Variants in NYAP1 observed in about 807,000 individuals in gnomAD.
NYAP1 encodes the protein neuronal tyrosine-phosphorylated phosphoinositide-3-kinase adapter 1.
A neutral mutation model predicts 58.6 loss-of-function variants in NYAP1; 20 were observed. The observed-to-expected ratio is 0.34, with a 90% CI of 0.24 to 0.50. The LOEUF (loss-of-function observed/expected upper bound fraction) is 0.50, where lower values mean the gene tolerates loss of function less well. Ranked by LOEUF, NYAP1 falls within the 20% of genes least tolerant of loss-of-function variation. The pLI is 0.98. For missense variants in NYAP1, 1,150 were observed against 1,194.5 expected, an observed-to-expected ratio of 0.96 and a Z score of 0.55; for synonymous variants, 572 against 523.1, an observed-to-expected ratio of 1.09 and a Z score of -1.27.
In NYAP1 at chr7:100,488,407, G is replaced by A. The variant is rs775868244; in HGVS notation, c.686G>A (p.Arg229Gln). The A allele has an allele frequency of 8.1e-6, 13 of 1,597,190 alleles. 1 individual carries two copies. The highest frequency in any genetic ancestry group is 6.7e-5 in the East Asian group (3 of 44,714). ...MVGDVFRGGGRSGGGLAGPPL... is the reference protein window; with the variant it reads ...MVGDVFRGGGQSGGGLAGPPL... ...GGGGACGTCTTTAGGGGAGGAGGAC[G>A]AAGTGGAGGAGGCCTGGCTGGGCCC... is the stretch of plus-strand genomic sequence containing the variant. The change falls in exon 4 of 7, where the codon CGA becomes CAA. Residue 229 changes from arginine (R) to glutamine (Q), a missense_variant. Coordinates refer to ENST00000300179, the MANE Select transcript of NYAP1 (RefSeq NM_173564.4). The surrounding 1 kb of genome is among the most constrained non-coding windows in gnomAD (Gnocchi z 5.9).
At position 100,489,666 on chromosome 7, in the gene NYAP1, A is replaced by G. The variant is rs985459046; in HGVS notation, c.1945A>G (p.Lys649Glu). 5.4e-6 allele frequency: 3 copies of G among 556,042 alleles called. No individual in the cohort carries two copies. Among genetic ancestry groups the G allele is most frequent in the African/African-American group, 4.3e-5 (1 of 23,164 alleles). The allele number at this position is 556,042 out of a possible 1,614,324, so 34.4% of individuals were successfully genotyped here. Reference protein sequence around the residue: ...YGGRKAKELDKVEDGARAWNG... With the variant: ...YGGRKAKELDEVEDGARAWNG... ...AGGGAGAAAAGCAAAGGAGTTGGAC[A>G]GTGAGTGAGGGGTGGGGAGTGGGGG... The change falls in exon 4 of 7, where the codon AAG (lysine) becomes GAG (glutamate). Residue 649 changes from lysine to glutamate, a missense_variant and splice_region_variant. Coordinates refer to ENST00000300179, the MANE Select transcript of NYAP1 (RefSeq NM_173564.4).
Position 100,494,125 on chromosome 7 carries a change from C to T in NYAP1, c.*222C>T. On this transcript the variant is annotated 3_prime_UTR_variant, in exon 7 of 7. Transcript: ENST00000300179. ...AGAAACGGAGGAGGAGGAGGGTTTG[C>T]TTGAGGTTGGGGCGAGAGTCGCTCT... 2 of 490,552 alleles carry T rather than the reference C, an allele frequency of 4.1e-6. No homozygotes were observed. Among genetic ancestry groups the T allele is most frequent in the South Asian group, 3.6e-5 (1 of 27,964 alleles). The allele number at this position is 490,552 out of a possible 1,614,324, so 30.4% of individuals were successfully genotyped here. A position where few individuals can be genotyped will look rare whatever the true frequency, so the allele number is the denominator to read the frequency against.
chr7:100,493,352 C>G (rs941065923), intron 6 of NYAP1, among the ~76,000 whole-genome samples: 5 of 152,096 alleles, frequency 3.3e-5, no homozygotes, highest in African/African-American at 1.2e-4. Context: ...CAGAGCCAGA[C>G]CCTGTCTCAA....
chr7:100,486,693 T>C lies in NYAP1; in HGVS notation c.69-128T>C. 1 of 1,149,160 alleles carries C rather than the reference T, an allele frequency of 8.7e-7. No individual in the cohort carries two copies. The highest frequency in any genetic ancestry group is 1.6e-5 in the African/African-American group (1 of 61,082). 71.2% of individuals were successfully genotyped at this position (1,149,160 alleles called of 1,614,324 possible). A position where few individuals can be genotyped will look rare whatever the true frequency, so the allele number is the denominator to read the frequency against. ...GGTGCCCTGGACCTTCTGGCAACCCTGTCCCCACCCAGGCTCCCGTCCTCT... is the reference window on the plus strand; with the variant it reads ...GGTGCCCTGGACCTTCTGGCAACCCCGTCCCCACCCAGGCTCCCGTCCTCT... On this transcript the variant is annotated intron_variant, in intron 2 of 6. Coordinates refer to ENST00000300179, the MANE Select transcript of NYAP1 (RefSeq NM_173564.4). This position sits in a 1 kb window ranked among gnomAD's most constrained non-coding sequence, Gnocchi z 6.2.
At position 100,490,663 on chromosome 7, in the gene NYAP1, CGAG is replaced by C. The variant is rs748971167; in HGVS notation, c.2097_2099del (p.Gly700del). ...GCTGGCCAGGATCCACCATGGAGAC[CGAG>C]GAGGGAGCCGCACCGCGCTGCCCAT... On this transcript the variant is annotated inframe_deletion, in exon 5 of 7. Coordinates refer to ENST00000300179, the MANE Select transcript of NYAP1 (RefSeq NM_173564.4). The surrounding 1 kb of genome is among the most constrained non-coding windows in gnomAD (Gnocchi z 4.6). The C allele has an allele frequency of 2.7e-4, 424 of 1,563,678 alleles. No individual in the cohort carries two copies. Among genetic ancestry groups the C allele is most frequent in the Non-Finnish European group, 3.5e-4 (409 of 1,154,636 alleles).
chr7:100,486,695 TC>T lies in NYAP1; in HGVS notation c.69-122del. 1.7e-6 allele frequency: 2 copies of T among 1,164,778 alleles called. No individual in the cohort carries two copies. Among genetic ancestry groups the T allele is most frequent in the South Asian group, 3.6e-5 (2 of 55,274 alleles). 72.2% of individuals were successfully genotyped at this position (1,164,778 alleles called of 1,614,324 possible). A position where few individuals can be genotyped will look rare whatever the true frequency, so the allele number is the denominator to read the frequency against. On this transcript the variant is annotated intron_variant, in intron 2 of 6. Coordinates refer to ENST00000300179, the MANE Select transcript of NYAP1 (RefSeq NM_173564.4). The surrounding 1 kb of genome is among the most constrained non-coding windows in gnomAD (Gnocchi z 6.2). ...TGCCCTGGACCTTCTGGCAACCCTG[TC>T]CCCACCCAGGCTCCCGTCCTCTTCC...
In NYAP1 at chr7:100,488,384, G is replaced by A. The variant is rs1024071083; in HGVS notation, c.663G>A (p.Gly221=). Residue 221 remains glycine (G), a synonymous_variant, in exon 4 of 7, where the codon GGG becomes GGA. Coordinates refer to ENST00000300179, the MANE Select transcript of NYAP1 (RefSeq NM_173564.4). This position sits in a 1 kb window ranked among gnomAD's most constrained non-coding sequence, Gnocchi z 5.9. ...AGCCTGTGTACATTGAGATGGTGGG[G>A]GACGTCTTTAGGGGAGGAGGACGAA... ...QEEPVYIEMV[G]DVFRGGGRSG... 5 of 1,597,516 alleles carry A rather than the reference G, an allele frequency of 3.1e-6. No homozygotes were observed. The highest frequency in any genetic ancestry group is 1.1e-5 in the South Asian group (1 of 89,328).
rs751615498 is a variant in NYAP1, at chr7:100,488,585, G to A, written c.864G>A (p.Pro288=). 47 of 1,610,810 alleles carry A rather than the reference G, an allele frequency of 2.9e-5. No individual in the cohort carries two copies. The highest frequency in any genetic ancestry group is 3.3e-4 in the Middle Eastern group (2 of 6,068). ...NGPPPLTATS[P]PQQPHALPPH... is the part of the protein sequence containing the mutation. The stretch of plus-strand genomic sequence containing the variant: ...CTCCACCATTGACGGCAACATCCCC[G>A]CCACAACAGCCTCACGCCCTTCCGC... Residue 288 remains proline, a synonymous_variant, in exon 4 of 7, where the codon CCG becomes CCA. Coordinates refer to ENST00000300179, the MANE Select transcript of NYAP1 (RefSeq NM_173564.4). The surrounding 1 kb of genome is among the most constrained non-coding windows in gnomAD (Gnocchi z 5.9).
In NYAP1 at chr7:100,488,820, G is replaced by A. The variant is rs868289869; in HGVS notation, c.1099G>A (p.Ala367Thr). ...LPVLCHSKEP[A>T]GSTPAPQVPA... ...TGTCCTCTGCCACTCCAAGGAGCCA[G>A]CCGGCTCCACCCCAGCTCCCCAAGT... The change falls in exon 4 of 7, where the codon GCC becomes ACC. Residue 367 changes from alanine (A) to threonine (T), a missense_variant. Transcript: ENST00000300179. This position sits in a 1 kb window ranked among gnomAD's most constrained non-coding sequence, Gnocchi z 5.9. 1 of 1,575,850 alleles carries A rather than the reference G, an allele frequency of 6.3e-7. No homozygotes were observed. Among genetic ancestry groups the A allele is most frequent in the Non-Finnish European group, 8.6e-7 (1 of 1,163,004 alleles).
Position 100,489,642 on chromosome 7 carries a change from G to A in NYAP1, c.1921G>A (p.Gly641Arg), listed in dbSNP as rs746002037. 15 of 1,599,968 alleles carry A rather than the reference G, an allele frequency of 9.4e-6. No individual in the cohort carries two copies. In the East Asian group the frequency reaches 2.7e-4, roughly 29 times the overall value. The change falls in exon 4 of 7, where the codon GGG (glycine) becomes AGG (arginine). Residue 641 changes from glycine to arginine, a missense_variant. Coordinates refer to ENST00000300179, the MANE Select transcript of NYAP1 (RefSeq NM_173564.4). ...CCTGCAGAGGAAGGTCCTCTATGGA[G>A]GGAGAAAAGCAAAGGAGTTGGACAG... ...WALQRKVLYG[G>R]RKAKELDKVE...
chr7:100,493,759 G>GGC lies in NYAP1; in HGVS notation c.2387_2388dup (p.His797AlafsTer76). On this transcript the variant is annotated frameshift_variant, in exon 7 of 7. Transcript: ENST00000300179. LOFTEE classifies it high-confidence loss of function. Reference sequence around the variant, plus strand: ...AGCGCTGCGTGTGCAAGGAGATCAAGGCGCGCCACCGCCCGGACCGAGGCC... The same window carrying GGC: ...AGCGCTGCGTGTGCAAGGAGATCAAGGCGCGCGCCACCGCCCGGACCGAGGCC... 4 of 1,605,914 alleles carry GGC rather than the reference G, an allele frequency of 2.5e-6. No individual in the cohort carries two copies. The highest frequency in any genetic ancestry group is 3.4e-6 in the Non-Finnish European group (4 of 1,178,566).
rs1018742443 is a variant in NYAP1 at position 100,489,635 on chromosome 7, C to T, written c.1914C>T (p.Leu638=). The T allele has an allele frequency of 7.5e-7, 1 of 1,339,158 alleles. No individual in the cohort carries two copies. The highest frequency in any genetic ancestry group is 9.8e-7 in the Non-Finnish European group (1 of 1,015,416). The allele number at this position is 1,339,158 out of a possible 1,614,324, so 83.0% of individuals were successfully genotyped here. A position where few individuals can be genotyped will look rare whatever the true frequency, so the allele number is the denominator to read the frequency against. ...GCTGGGCCCTGCAGAGGAAGGTCCTCTATGGAGGGAGAAAAGCAAAGGAGT... is the reference window on the plus strand; with the variant it reads ...GCTGGGCCCTGCAGAGGAAGGTCCTTTATGGAGGGAGAAAAGCAAAGGAGT... ...GAGWALQRKV[L]YGGRKAKELD... Residue 638 remains leucine (L), a synonymous_variant, in exon 4 of 7, where the codon CTC becomes CTT. Coordinates refer to ENST00000300179, the MANE Select transcript of NYAP1 (RefSeq NM_173564.4).
In NYAP1 at chr7:100,490,172, G is replaced by A. The variant is rs1799776916; in HGVS notation, c.1946-345G>A. Among the ~76,000 whole-genome samples the A allele has an allele frequency of 6.6e-6, 1 of 152,182 alleles. No individual in the cohort carries two copies. Among genetic ancestry groups the A allele is most frequent in the African/African-American group, 2.4e-5 (1 of 41,438 alleles). On this transcript the variant is annotated intron_variant, in intron 4 of 6. Transcript: ENST00000300179. This position sits in a 1 kb window ranked among gnomAD's most constrained non-coding sequence, Gnocchi z 4.6. The stretch of plus-strand genomic sequence containing the variant: ...CAGGAATTGGGATTCTCCCCCTACA[G>A]GTCTTGATCCCAGGGGGATGGTCAT...
Position 100,486,262 on chromosome 7 carries a change from G to A in NYAP1, c.69-559G>A, listed in dbSNP as rs747756702. On this transcript the variant is annotated intron_variant, in intron 2 of 6. Transcript: ENST00000300179. The surrounding 1 kb of genome is among the most constrained non-coding windows in gnomAD (Gnocchi z 6.2). ...CAGTGGAATGGAATGGGGGTGAGCC[G>A]GGGAGGCTGACAGAGAGAGAACAGC... Among the ~76,000 whole-genome samples, 3 of 152,094 alleles carry A rather than the reference G, an allele frequency of 2.0e-5. No homozygotes were observed. The highest frequency in any genetic ancestry group is 4.4e-5 in the Non-Finnish European group (3 of 68,018).
rs917057140 is a variant in NYAP1 at position 100,493,654 on chromosome 7, C to G, written c.2277C>G (p.Pro759=). ...CCCCGCCCGCGGCACAGCCCCACCC[C>G]GCGCTGCCGCTGCCTCTGCCCCTGC... is the stretch of plus-strand genomic sequence containing the variant. ...QPRDALSQPH[P]ALPLPLPLPP... Residue 759 remains proline (P), a synonymous_variant, in exon 7 of 7, where the codon CCC becomes CCG. Coordinates refer to ENST00000300179, the MANE Select transcript of NYAP1 (RefSeq NM_173564.4). 1 of 1,578,980 alleles carries G rather than the reference C, an allele frequency of 6.3e-7. No homozygotes were observed. The highest frequency in any genetic ancestry group is 1.3e-5 in the African/African-American group (1 of 74,292).
rs1799793669 is a variant in NYAP1, at chr7:100,491,348, A to ATG, written c.2268+254_2268+255dup. 5.9e-5 allele frequency among the ~76,000 whole-genome samples: 9 copies of ATG among 152,102 alleles called. No homozygotes were observed. In the South Asian group the frequency reaches 1.9e-3, roughly 32 times the overall value. On this transcript the variant is annotated intron_variant, in intron 6 of 6. Transcript: ENST00000300179. ...GCAGTGGCTCACACCTGTAATCCCA[A>ATG]TGCTTTCAGAAGCCAAGGCAGGTAG...
In NYAP1 at chr7:100,490,535, G is replaced by C. The variant is rs199612371; in HGVS notation, c.1964G>C (p.Arg655Pro). 1.3e-6 allele frequency: 2 copies of C among 1,586,278 alleles called. No individual in the cohort carries two copies. Among genetic ancestry groups the C allele is most frequent in the Admixed American group, 1.8e-5 (1 of 55,508 alleles). ...CCAGCAGAGGTCGAGGACGGTGCCC[G>C]GGCCTGGAATGGCAGTGCCGAGGGT... ...KELDKVEDGARAWNGSAEGPG... is the reference protein window; with the variant it reads ...KELDKVEDGAPAWNGSAEGPG... Residue 655 changes from arginine (R) to proline (P), a missense_variant, in exon 5 of 7, where the codon CGG (arginine) becomes CCG (proline). Arg to Pro is a moderately radical substitution (Grantham distance 103). Transcript: ENST00000300179. This position sits in a 1 kb window ranked among gnomAD's most constrained non-coding sequence, Gnocchi z 4.6.
At position 100,489,482 on chromosome 7, in the gene NYAP1, G is replaced by A. The variant is rs568848222; in HGVS notation, c.1761G>A (p.Lys587=). The A allele has an allele frequency of 1.2e-6, 2 of 1,613,302 alleles. No individual in the cohort carries two copies. Among genetic ancestry groups the A allele is most frequent in the East Asian group, 2.2e-5 (1 of 44,882 alleles). ...TGGGGGCCCCATCCCCCATGGTCAA[G>A]ATCCAGCTGCAGGAGCAAGGGACCG... is the stretch of plus-strand genomic sequence containing the variant. ...CGVGAPSPMV[K]IQLQEQGTDG... Residue 587 remains lysine (K), a synonymous_variant, in exon 4 of 7, where the codon AAG becomes AAA. Coordinates refer to ENST00000300179, the MANE Select transcript of NYAP1 (RefSeq NM_173564.4).
At position 100,487,194 on chromosome 7, in the gene NYAP1, C is replaced by A. The variant is rs762380179; in HGVS notation, c.430+12C>A. ...CAGCAAGAAAGCAGGTGAGATACCC[C>A]CTATCTCTCCCTGGGGTGGAGCTGG... On this transcript the variant is annotated intron_variant, in intron 3 of 6. Coordinates refer to ENST00000300179, the MANE Select transcript of NYAP1 (RefSeq NM_173564.4). This position sits in a 1 kb window ranked among gnomAD's most constrained non-coding sequence, Gnocchi z 4.1. 5 of 1,477,878 alleles carry A rather than the reference C, an allele frequency of 3.4e-6. No individual in the cohort carries two copies. In the African/African-American group the frequency reaches 7.3e-5, roughly 22 times the overall value. 91.5% of individuals were successfully genotyped at this position (1,477,878 alleles called of 1,614,324 possible). A position where few individuals can be genotyped will look rare whatever the true frequency, so the allele number is the denominator to read the frequency against.
Sources: allele counts gnomAD v4.1 joint callset (sites outside exome capture counted in the v4.1 genomes callset), GRCh38; gene constraint gnomAD v4.1.1; non-coding constraint Gnocchi (gnomAD v3.1); transcripts MANE v1.5; gene names NCBI Gene and HGNC (gene_info 2026-07-23, HGNC 2026-07-21).